GPATCH8: variants seen among roughly 807,000 people sequenced by gnomAD.
GPATCH8 encodes G-patch domain containing 8, also known as G patch domain-containing protein 8.
In GPATCH8, 18 loss-of-function variants were observed where a neutral mutation model predicts 118.3. The ratio of observed to expected loss-of-function variants is 0.15; its 90% confidence interval spans 0.11 to 0.23. The LOEUF is 0.23. Ranked by LOEUF, GPATCH8 falls within the 10% of genes least tolerant of loss-of-function variation. The probability of loss-of-function intolerance (pLI) is 1.00; values close to 1 mark genes in which losing one functional copy is unlikely to be tolerated. For synonymous variants in GPATCH8, 659 were observed against 684.7 expected (o/e 0.96, Z 0.59); for missense variants, 1,631 against 1,873.8 (o/e 0.87, Z 2.39).
At chr17:44,427,264 C>A (rs2050123698) in intron 5 of GPATCH8, among the ~76,000 whole-genome samples, 2 of 151,782 alleles carry the variant, frequency 1.3e-5, no homozygotes, top group Non-Finnish European at 2.9e-5. Flanking sequence ...TTCGTAGAGA[C>A]AGGGTTTCAT....
chr17:44,442,142 GA>G (rs1690564689), intron 3 of GPATCH8, among the ~76,000 whole-genome samples: 6 of 142,470 alleles, frequency 4.2e-5, no homozygotes, highest in Non-Finnish European at 6.1e-5. Flanking sequence ...GAGAGAGAGA[GA>G]AGGAGAGAGA....
At chr17:44,482,769 C>T (rs1304244560) in intron 1 of GPATCH8, among the ~76,000 whole-genome samples, 3 of 151,786 alleles carry the variant, frequency 2.0e-5, no homozygotes, top group African/African-American at 7.3e-5. Flanking sequence ...TAAGTCAATA[C>T]TACTGCATGT....
At chr17:44,404,233 G>A (rs1482779375) in intron 7 of GPATCH8, among the ~76,000 whole-genome samples, 1 of 151,106 alleles carries the variant, frequency 6.6e-6, no homozygotes, top group Non-Finnish European at 1.5e-5. Context: ...GATCTCCCAG[G>A]CTCAAGTGAT....
In GPATCH8 at chr17:44,398,727, T is replaced by C; in HGVS notation, c.3350A>G (p.Asn1117Ser). The C allele has an allele frequency of 6.2e-7, 1 of 1,609,824 alleles. No individual in the cohort carries two copies. The highest frequency in any genetic ancestry group is 1.3e-5 in the African/African-American group (1 of 74,876). Residue 1117 changes from asparagine to serine, a missense_variant, in exon 8 of 8, where the codon AAT becomes AGT. Coordinates refer to ENST00000591680, the MANE Select transcript of GPATCH8 (RefSeq NM_001002909.4). ...GTCCTTGAGCTTGGGCCCAGCTTTATTAGGGGTGGCCTGCACCTCCTCACT... is the reference window on the plus strand; with the variant it reads ...GTCCTTGAGCTTGGGCCCAGCTTTACTAGGGGTGGCCTGCACCTCCTCACT... ...SVSEEVQATP[N>S]KAGPKLKDPP...
rs1350815167 is a variant in GPATCH8, at chr17:44,406,093, C to A, written c.493-42G>T. The A allele has an allele frequency of 2.7e-6, 4 of 1,502,872 alleles. No individual in the cohort carries two copies. The South Asian group carries it at 4.5e-5, about 17-fold the overall frequency. The allele number at this position is 1,502,872 out of a possible 1,614,324, so 93.1% of individuals were successfully genotyped here. On this transcript the variant is annotated intron_variant, in intron 6 of 7. Transcript: ENST00000591680. Reference sequence around the variant, plus strand: ...AAAGATACAGAGGGTGGATGATTTACAGTAACTTGGGAATCAGAAAGCAAA... The same window carrying A: ...AAAGATACAGAGGGTGGATGATTTAAAGTAACTTGGGAATCAGAAAGCAAA...
chr17:44,472,533 G>A (rs1388565580), intron 2 of GPATCH8, among the ~76,000 whole-genome samples: 3 of 152,100 alleles, frequency 2.0e-5, no homozygotes, highest in Non-Finnish European at 4.4e-5. Context: ...ATACTAGGTT[G>A]CAAATTTCAT....
chr17:44,412,175 G>T (rs564579508), intron 6 of GPATCH8, among the ~76,000 whole-genome samples: 1 of 151,708 alleles, frequency 6.6e-6, no homozygotes, highest in South Asian at 2.1e-4. Context: ...TGCCCACCTT[G>T]GCCTCCCAAA....
intron 6 of GPATCH8, among the ~76,000 whole-genome samples, chr17:44,408,191 CT>C (rs1239486392): frequency 8.2e-5 from 12 of 147,032 alleles, no homozygotes; most frequent in African/African-American, 1.3e-4. Context: ...GCCATTTTCT[CT>C]TTTTTTTTTG....
At chr17:44,419,145 T>C (rs376188463) in intron 6 of GPATCH8, among the ~76,000 whole-genome samples, 6 of 152,368 alleles carry the variant, frequency 3.9e-5, no homozygotes, top group African/African-American at 7.2e-5. Flanking sequence ...GAGAAGGGTA[T>C]GTTTAGGATC....
In GPATCH8 at chr17:44,420,274, G is replaced by A. The variant is rs963002852; in HGVS notation, c.492+4075C>T. Among the ~76,000 whole-genome samples, 7 of 152,076 alleles carry A rather than the reference G, an allele frequency of 4.6e-5. No homozygotes were observed. In the South Asian group the frequency reaches 8.3e-4, roughly 18 times the overall value. Reference sequence around the variant, plus strand: ...TGAATATTCTGGATCACCTAGATGAGCACTTTATAAATGTTTACAACATAA... The same window carrying A: ...TGAATATTCTGGATCACCTAGATGAACACTTTATAAATGTTTACAACATAA... On this transcript the variant is annotated intron_variant, in intron 6 of 7. Coordinates refer to ENST00000591680, the MANE Select transcript of GPATCH8 (RefSeq NM_001002909.4).
intron 3 of GPATCH8, among the ~76,000 whole-genome samples, chr17:44,442,601 A>G (rs1472795423): frequency 6.6e-6 from 1 of 152,122 alleles, no homozygotes; most frequent in Admixed American, 6.6e-5. Context: ...AGTAGCTGAC[A>G]CTACAAGTGC....
chr17:44,481,625 T>C (rs974353772), intron 1 of GPATCH8, among the ~76,000 whole-genome samples: 1 of 152,198 alleles, frequency 6.6e-6, no homozygotes, highest in Non-Finnish European at 1.5e-5. Flanking sequence ...TTCACCGTCT[T>C]ATGGTGCTGA....
intron 3 of GPATCH8, among the ~76,000 whole-genome samples, chr17:44,446,475 G>A (rs918067970): frequency 3.9e-5 from 6 of 152,172 alleles, no homozygotes; most frequent in Non-Finnish European, 7.3e-5. Context: ...TGACACAGGA[G>A]AATGGTGTGA....
chr17:44,483,788 T>C (rs1968539120), intron 1 of GPATCH8, among the ~76,000 whole-genome samples: 1 of 151,786 alleles, frequency 6.6e-6, no homozygotes, highest in African/African-American at 2.4e-5. Context: ...ATTACAAGCA[T>C]GCACTACCAG....
At chr17:44,493,442 A>G (rs1969434018) in intron 1 of GPATCH8, among the ~76,000 whole-genome samples, 1 of 152,218 alleles carries the variant, frequency 6.6e-6, no homozygotes, top group African/African-American at 2.4e-5. Flanking sequence ...CTACCAGTTT[A>G]TTAACTGGTA....
rs145721422 is a variant in GPATCH8 at position 44,398,337 on chromosome 17, G to T, written c.3740C>A (p.Pro1247His). 116 of 1,614,092 alleles carry T rather than the reference G, an allele frequency of 7.2e-5. No individual in the cohort carries two copies. The African/African-American group carries it at 1.3e-3, about 18-fold the overall frequency. The change falls in exon 8 of 8, where the codon CCC becomes CAC. Residue 1247 changes from proline to histidine, a missense_variant. Around this residue, in one of 8 missense-constraint regions of GPATCH8, gnomAD observed 922 missense variants for 879.7 expected, o/e 1.05. Coordinates refer to ENST00000591680, the MANE Select transcript of GPATCH8 (RefSeq NM_001002909.4). ...GGACTCCAGGGTGTCCCCATCACTGGGGTCGGGGAGGTAGTTATGGGAGAT... is the reference window on the plus strand; with the variant it reads ...GGACTCCAGGGTGTCCCCATCACTGTGGTCGGGGAGGTAGTTATGGGAGAT... Reference protein sequence around the residue: ...PTISHNYLPDPSDGDTLESLD... With the variant: ...PTISHNYLPDHSDGDTLESLD...
chr17:44,465,780 C>T (rs891400805), intron 2 of GPATCH8: 3 of 152,140 alleles, frequency 2.0e-5, no homozygotes, highest in Non-Finnish European at 4.4e-5. Context: ...CCAAATATTG[C>T]ACATTAAACT....
In GPATCH8 at chr17:44,400,460, T is replaced by G. The variant is rs2048973753; in HGVS notation, c.1617A>C (p.Pro539=). ...CAGTGCTTTCATCTTTGCTCAAAACTGGGAAGAAGGGACCAGTAGGATGTT... is the reference window on the plus strand; with the variant it reads ...CAGTGCTTTCATCTTTGCTCAAAACGGGGAAGAAGGGACCAGTAGGATGTT... The part of the protein sequence containing the change: ...GPKHPTGPFF[P]VLSKDESTAL... The change falls in exon 8 of 8, where the codon CCA becomes CCC. Residue 539 remains proline, a synonymous_variant. Coordinates refer to ENST00000591680, the MANE Select transcript of GPATCH8 (RefSeq NM_001002909.4). 6.2e-7 allele frequency: 1 copy of G among 1,614,234 alleles called. No individual in the cohort carries two copies. Among genetic ancestry groups the G allele is most frequent in the Admixed American group, 1.7e-5 (1 of 60,034 alleles).
chr17:44,463,620 T>A (rs530517996), intron 3 of GPATCH8, among the ~76,000 whole-genome samples: 1 of 152,296 alleles, frequency 6.6e-6, no homozygotes, highest in East Asian at 1.9e-4. Context: ...GACCTCATGA[T>A]CCACCTGCCT....
Sources: gnomAD v4.1 joint callset for allele counts (sites outside exome capture counted in the v4.1 genomes callset) on GRCh38, gnomAD v4.1.1 for gene constraint, gnomAD v4.1.1 regional missense constraint, MANE v1.5 for transcripts, NCBI Gene and HGNC (gene_info 2026-07-23, HGNC 2026-07-21) for gene names.